SGCZ: variants seen among roughly 807,000 people sequenced by gnomAD.
SGCZ encodes the protein zeta-sarcoglycan.
Under a neutral mutation model 41.3 loss-of-function variants are expected in SGCZ, and 40 were observed. The observed-to-expected ratio is 0.97, with a 90% CI of 0.75 to 1.26. The LOEUF (loss-of-function observed/expected upper bound fraction) is 1.26. SGCZ is among the 50% of genes most tolerant of loss of function. SGCZ has a pLI of 0.00. For missense variants in SGCZ, 552 were observed against 369.8 expected, an observed-to-expected ratio of 1.49 and a Z score of -4.04; for synonymous variants, 206 against 137.5, an observed-to-expected ratio of 1.50 and a Z score of -3.49.
chr8:14,226,151 C>A (rs1271991828), intron 4 of SGCZ, among the ~76,000 whole-genome samples: 1 of 151,898 alleles, frequency 6.6e-6, no homozygotes, highest in Non-Finnish European at 1.5e-5. Context: ...TATTTCCTTA[C>A]ATAGTTGCAT....
At chr8:14,612,752 T>C (rs752695007) in intron 1 of SGCZ, among the ~76,000 whole-genome samples, 2 of 152,182 alleles carry the variant, frequency 1.3e-5, no homozygotes, top group East Asian at 1.9e-4. Flanking sequence ...AGTGGCAGGA[T>C]CTCTGCTCAT....
chr8:14,838,493 G>A (rs1183544530), intron 1 of SGCZ, among the ~76,000 whole-genome samples: 1 of 152,040 alleles, frequency 6.6e-6, no homozygotes, highest in Non-Finnish European at 1.5e-5. Context: ...ATCATCCCAG[G>A]AGCAGGTACC....
chr8:14,800,890 AG>A (rs1182814624), intron 1 of SGCZ, among the ~76,000 whole-genome samples: 1 of 135,952 alleles, frequency 7.4e-6, no homozygotes, highest in Non-Finnish European at 1.6e-5. Flanking sequence ...ATACCACACA[AG>A]CAAACAAAAA....
At chr8:14,797,007 C>T (rs541037568) in intron 1 of SGCZ, among the ~76,000 whole-genome samples, 2 of 152,238 alleles carry the variant, frequency 1.3e-5, no homozygotes, top group South Asian at 4.1e-4. Flanking sequence ...TCAATTAAAC[C>T]TCTTTTATTT....
intron 1 of SGCZ, among the ~76,000 whole-genome samples, chr8:15,176,723 C>T (rs930586738): frequency 1.3e-5 from 2 of 152,202 alleles, no homozygotes; most frequent in African/African-American, 2.4e-5. Context: ...ATATGTTGGC[C>T]GGACACAGTG....
chr8:14,232,105 C>T (rs1339632361), intron 4 of SGCZ, among the ~76,000 whole-genome samples: 1 of 149,536 alleles, frequency 6.7e-6, no homozygotes. Context: ...TCCTAATGAC[C>T]AATTTTCTAA....
chr8:15,004,516 T>A (rs1802532866), intron 1 of SGCZ, among the ~76,000 whole-genome samples: 1 of 152,062 alleles, frequency 6.6e-6, no homozygotes, highest in Admixed American at 6.6e-5. Context: ...CAAGAAAAAA[T>A]CTGACATCAT....
chr8:14,171,931 T>TA (rs1030430930), intron 4 of SGCZ, among the ~76,000 whole-genome samples: 22 of 152,136 alleles, frequency 1.4e-4, no homozygotes, highest in African/African-American at 5.3e-4. Context: ...ATTAACAATT[T>TA]AAAAAATCCT....
chr8:14,723,715 T>C (rs1472057924), intron 1 of SGCZ, among the ~76,000 whole-genome samples: 2 of 152,100 alleles, frequency 1.3e-5, no homozygotes, highest in Non-Finnish European at 2.9e-5. Flanking sequence ...TGCATACATA[T>C]GTCTATATAG....
intron 1 of SGCZ, among the ~76,000 whole-genome samples, chr8:15,097,517 G>A (rs974156716): frequency 4.6e-5 from 7 of 151,872 alleles, no homozygotes; most frequent in Non-Finnish European, 1.0e-4. Context: ...GGGAGGCCAA[G>A]ATGGGAGGAT....
intron 3 of SGCZ, among the ~76,000 whole-genome samples, chr8:14,262,211 T>C (rs184594799): frequency 1.9e-3 from 295 of 152,264 alleles, no homozygotes; most frequent in African/African-American, 6.7e-3. Context: ...AAAACACATA[T>C]ATTAACAGGC....
At chr8:14,384,159 C>G (rs547791731) in intron 2 of SGCZ, among the ~76,000 whole-genome samples, 1 of 152,094 alleles carries the variant, frequency 6.6e-6, no homozygotes, top group South Asian at 2.1e-4. Flanking sequence ...TGTTCCCCTT[C>G]CTGTGTCCAT....
intron 2 of SGCZ, among the ~76,000 whole-genome samples, chr8:14,382,526 A>T (rs1585431359): frequency 6.6e-6 from 1 of 152,268 alleles, no homozygotes; most frequent in East Asian, 1.9e-4. Flanking sequence ...TCCCTCCCCT[A>T]AAACTCCTAA....
chr8:14,177,675 ATTTT>A (rs1193141913), intron 4 of SGCZ, among the ~76,000 whole-genome samples: 15,210 of 111,484 alleles, frequency 0.14, 1,002 homozygotes, highest in African/African-American at 0.28. Context: ...ACGCCCTGCT[ATTTT>A]TTTTTTTTTT....
intron 4 of SGCZ, among the ~76,000 whole-genome samples, chr8:14,231,985 CTT>C (rs1446831063): frequency 6.6e-6 from 1 of 151,812 alleles, no homozygotes; most frequent in Non-Finnish European, 1.5e-5. Flanking sequence ...TTTTTATAAA[CTT>C]ACATAGTTTT....
At chr8:14,618,829 C>T (rs965659989) in intron 1 of SGCZ, among the ~76,000 whole-genome samples, 4 of 151,866 alleles carry the variant, frequency 2.6e-5, no homozygotes, top group Admixed American at 6.6e-5. Flanking sequence ...TTAACAATTC[C>T]GATGGGGAGT....
At chr8:14,249,245 G>C (rs1435288506) in intron 3 of SGCZ, among the ~76,000 whole-genome samples, 3 of 152,084 alleles carry the variant, frequency 2.0e-5, no homozygotes, top group Admixed American at 1.3e-4. Flanking sequence ...GTCTTCTCTT[G>C]CTTTTGAATT....
At chr8:15,064,339 A>G (rs17655279) in intron 1 of SGCZ, among the ~76,000 whole-genome samples, 13,004 of 152,046 alleles carry the variant, frequency 0.086, 759 homozygotes, top group East Asian at 0.29. Context: ...TTGTCACTCA[A>G]CCCTACAATT....
chr8:14,314,541 T>G lies in SGCZ; in HGVS notation c.336+9562A>C, dbSNP rs78210828. 2.4e-3 allele frequency among the ~76,000 whole-genome samples: 367 copies of G among 152,254 alleles called. 2 individuals are homozygous for G. The highest frequency in any genetic ancestry group is 8.3e-3 in the African/African-American group (346 of 41,560). On this transcript the variant is annotated intron_variant, in intron 3 of 7. Coordinates refer to ENST00000382080, the MANE Select transcript of SGCZ (RefSeq NM_139167.4). ...AATTGCCATATACAAGACAATATCTTTCATGTCTAGCATTAGGGATTAAGT... is the reference window on the plus strand; with the variant it reads ...AATTGCCATATACAAGACAATATCTGTCATGTCTAGCATTAGGGATTAAGT...
Sources: gnomAD v4.1 joint callset for allele counts (sites outside exome capture counted in the v4.1 genomes callset) on GRCh38, gnomAD v4.1.1 for gene constraint, MANE v1.5 for transcripts, NCBI Gene and HGNC (gene_info 2026-07-23, HGNC 2026-07-21) for gene names.